Variants in TCHP observed in about 807,000 individuals in gnomAD.
TCHP encodes trichoplein keratin filament-binding protein.
Under a neutral mutation model 88.7 loss-of-function variants are expected in TCHP, and 81 were observed. The ratio of observed to expected loss-of-function variants is 0.91; its 90% CI spans 0.76 to 1.10. The LOEUF is 1.10. Ranked by LOEUF, TCHP falls within the 50% of genes least tolerant of loss-of-function variation. The pLI, the probability that TCHP is intolerant of heterozygous loss-of-function variation, is 0.00. For missense variants in TCHP, 641 were observed against 632.1 expected, an observed-to-expected ratio of 1.01 and a Z score of -0.15; for synonymous variants, 232 against 232.5, an observed-to-expected ratio of 1.00 and a Z score of 0.02.
chr12:109,912,796 A>T (rs1226993947), intron 9 of TCHP, among the ~76,000 whole-genome samples, 195 bp from the exon 10 acceptor site: 5 of 152,078 alleles, frequency 3.3e-5, no homozygotes, highest in South Asian at 2.1e-4. Context: ...TCTCAAAAAT[A>T]AAAAAAATGA....
At position 109,907,652 on chromosome 12, in the gene TCHP, G is replaced by A. The variant is rs111431053; in HGVS notation, c.652G>A (p.Glu218Lys). 46 of 1,613,500 alleles carry A rather than the reference G, an allele frequency of 2.9e-5. No homozygotes were observed. The highest frequency in any genetic ancestry group is 1.6e-4 in the East Asian group (7 of 44,874). ...GCAGCTGGAGGACAAGCTCCAGGCC[G>A]AGGCACTGCTGCAACAGATGGAGGA... ...RRQLEDKLQAEALLQQMEELK... is the reference protein window; with the variant it reads ...RRQLEDKLQAKALLQQMEELK... Residue 218 changes from glutamate (E) to lysine (K), a missense_variant, in exon 6 of 13, where the codon GAG becomes AAG. Transcript: ENST00000405876.
At chr12:109,914,358 T>C (rs1870673011) in intron 10 of TCHP, 84 bp from the exon 11 acceptor site, 3 of 1,299,382 alleles carry the variant, frequency 2.3e-6, no homozygotes, top group Admixed American at 4.6e-5. Context: ...GGCCTTGCTG[T>C]GGCTGCAGCC....
In TCHP at chr12:109,914,552, G is replaced by A; in HGVS notation, c.1245G>A (p.Val415=). 6.2e-7 allele frequency: 1 copy of A among 1,614,072 alleles called. No homozygotes were observed. Reference sequence around the variant, plus strand: ...AACTTATTCGAAATCTTGAGGAGGTGAGAGAGTTGGCTCGTCGCGAGAAAG... The same window carrying A: ...AACTTATTCGAAATCTTGAGGAGGTAAGAGAGTTGGCTCGTCGCGAGAAAG... The part of the protein sequence containing the change: ...REQLIRNLEE[V]RELARREKEE... Residue 415 remains valine (V), a synonymous_variant, in exon 11 of 13, where the codon GTG becomes GTA. Transcript: ENST00000405876.
In TCHP at chr12:109,903,941, C is replaced by G. The variant is rs762610842; in HGVS notation, c.193C>G (p.His65Asp). 1 of 1,605,030 alleles carries G rather than the reference C, an allele frequency of 6.2e-7. No homozygotes were observed. The highest frequency in any genetic ancestry group is 8.5e-7 in the Non-Finnish European group (1 of 1,176,508). ...GGCAGGCCCCCTCTCACCCAGCATG[C>G]ATGCCTATCAGCGGGAGAAGATGAA... ...SSKTSYQRSM[H>D]AYQREKMKEE... Residue 65 changes from histidine to aspartate, a missense_variant, in exon 3 of 13, where the codon CAT (histidine) becomes GAT (aspartate). Physicochemically the swap from His to Asp is moderately conservative, Grantham distance 81 (BLOSUM62 -1). Transcript: ENST00000405876. This position sits in a 1 kb window ranked among gnomAD's most constrained non-coding sequence, Gnocchi z 4.6.
chr12:109,902,883 G>T, intron 1 of TCHP, 144 bp from the exon 2 acceptor site: 1 of 567,340 alleles, frequency 1.8e-6, no homozygotes, highest in South Asian at 3.8e-5. Flanking sequence ...ACACGGTTTT[G>T]TTTGTTTGTT....
intron 9 of TCHP, among the ~76,000 whole-genome samples, chr12:109,911,954 C>T (rs948781183): frequency 1.3e-5 from 2 of 152,042 alleles, no homozygotes; most frequent in African/African-American, 4.8e-5. Context: ...CGCCACCACA[C>T]CCGGCTACTT....
intron 12 of TCHP, among the ~76,000 whole-genome samples, chr12:109,916,341 T>C (rs1870816045): frequency 6.6e-6 from 1 of 152,208 alleles, no homozygotes; most frequent in South Asian, 2.1e-4. Context: ...CTAAACCCAC[T>C]TGGCCGTGGA....
At chr12:109,889,329 C>T in the TCHP span, among the ~76,000 whole-genome samples, 4 of 152,018 alleles carry the variant, frequency 2.6e-5, no homozygotes, top group African/African-American at 7.2e-5. Context: ...AAAAATTAGT[C>T]GGGCGTGGTG....
chr12:109,884,282 G>C, the TCHP span, among the ~76,000 whole-genome samples: 10 of 151,986 alleles, frequency 6.6e-5, no homozygotes, highest in South Asian at 2.1e-3. Flanking sequence ...TCCGCCTTCC[G>C]GGTTCACGCC....
At chr12:109,881,955 G>A in the TCHP span, among the ~76,000 whole-genome samples, 1 of 150,422 alleles carries the variant, frequency 6.6e-6, no homozygotes, top group Non-Finnish European at 1.5e-5. Flanking sequence ...CACTGCACTG[G>A]GCACTGAGGA....
chr12:109,915,052 T>C (rs1870725528), intron 11 of TCHP: 1 of 443,232 alleles, frequency 2.3e-6, no homozygotes, highest in Non-Finnish European at 4.1e-6. Flanking sequence ...CCTCTCCAGC[T>C]TTCTACGAGG....
chr12:109,885,217 G>A, the TCHP span, among the ~76,000 whole-genome samples: 4 of 152,144 alleles, frequency 2.6e-5, no homozygotes, highest in African/African-American at 4.8e-5. Flanking sequence ...TGATCCTCCC[G>A]CCTCGGCCTC....
chr12:109,889,963 C>A, the TCHP span, among the ~76,000 whole-genome samples: 1 of 152,200 alleles, frequency 6.6e-6, no homozygotes, highest in Non-Finnish European at 1.5e-5. Context: ...AATGCGAAGG[C>A]GCACCCGCCA....
intron 8 of TCHP, among the ~76,000 whole-genome samples, chr12:109,909,695 C>T (rs1401974008): frequency 2.0e-5 from 3 of 151,880 alleles, no homozygotes; most frequent in South Asian, 2.1e-4. Context: ...CCGGGCGTGG[C>T]GGCTCACACC....
In TCHP at chr12:109,907,582, C is replaced by T; in HGVS notation, c.582C>T (p.Ala194=). Residue 194 remains alanine, a synonymous_variant, in exon 6 of 13, where the codon GCC becomes GCT. Transcript: ENST00000405876. The part of the protein sequence containing the change: ...NKRYENEYER[A]RREALERMKA... Reference sequence around the variant, plus strand: ...GGTATGAAAATGAATATGAAAGGGCCCGAAGGGAGGCGCTAGAAAGGATGA... The same window carrying T: ...GGTATGAAAATGAATATGAAAGGGCTCGAAGGGAGGCGCTAGAAAGGATGA... 1 of 1,614,068 alleles carries T rather than the reference C, an allele frequency of 6.2e-7. No individual in the cohort carries two copies. Among genetic ancestry groups the T allele is most frequent in the Non-Finnish European group, 8.5e-7 (1 of 1,180,014 alleles).
intron 11 of TCHP, 29 bp from the exon 12 acceptor site, chr12:109,915,374 G>T (rs1870751225): frequency 6.2e-7 from 1 of 1,613,986 alleles, no homozygotes. Flanking sequence ...GCCTTGTCTT[G>T]GGGTGGTGAC....
At chr12:109,891,155 GT>G in the TCHP span, among the ~76,000 whole-genome samples, 13 of 152,212 alleles carry the variant, frequency 8.5e-5, no homozygotes, top group African/African-American at 3.1e-4. Context: ...TACCTGTACA[GT>G]TTTGATTCCA....
the TCHP span, among the ~76,000 whole-genome samples, chr12:109,889,408 G>A: frequency 2.7e-5 from 4 of 150,542 alleles, no homozygotes; most frequent in Non-Finnish European, 4.4e-5. Context: ...AGGAGGCAGA[G>A]CTTGCAGTGA....
intron 4 of TCHP, 105 bp downstream of exon 4, chr12:109,904,898 G>A: frequency 2.9e-6 from 3 of 1,039,380 alleles, no homozygotes; most frequent in African/African-American, 1.6e-5. Flanking sequence ...AACAGAGGAG[G>A]GAACCTTGAG....
Sources: gnomAD v4.1 joint callset for allele counts (sites outside exome capture counted in the v4.1 genomes callset) on GRCh38, gnomAD v4.1.1 for gene constraint, Gnocchi (gnomAD v3.1) non-coding constraint, MANE v1.5 for transcripts, NCBI Gene and HGNC (gene_info 2026-07-23, HGNC 2026-07-21) for gene names.